Variants in STXBP5L observed in about 807,000 individuals in gnomAD.
STXBP5L encodes syntaxin-binding protein 5-like.
In STXBP5L, 65 loss-of-function variants were observed where a neutral mutation model predicts 144.5. That is an observed-to-expected ratio of 0.45 (90% CI 0.37 to 0.55). The LOEUF (loss-of-function observed/expected upper bound fraction) is 0.55. Ranked by LOEUF, STXBP5L falls within the 20% of genes least tolerant of loss-of-function variation. STXBP5L has a pLI of 0.00. For synonymous variants in STXBP5L, 505 were observed against 469.6 expected (o/e 1.08, Z -0.97); for missense variants, 1,298 against 1,405.5 (o/e 0.92, Z 1.22).
chr3:121,186,409 T>C (rs1005708860), intron 9 of STXBP5L, among the ~76,000 whole-genome samples: 4 of 152,194 alleles, frequency 2.6e-5, no homozygotes, highest in African/African-American at 9.6e-5. Flanking sequence ...TTTTTGCCCA[T>C]TCAGTATATT....
At chr3:120,986,803 A>T (rs895696390) in intron 3 of STXBP5L, among the ~76,000 whole-genome samples, 1 of 152,092 alleles carries the variant, frequency 6.6e-6, no homozygotes, top group Middle Eastern at 3.4e-3. Context: ...AATACTTTAA[A>T]TAAAAAAATT....
rs1302093544 is a variant in STXBP5L, at chr3:121,259,112, A to T, written c.1902A>T (p.Val634=). The T allele has an allele frequency of 1.0e-5, 16 of 1,605,024 alleles. No individual in the cohort carries two copies. The highest frequency in any genetic ancestry group is 1.4e-5 in the Non-Finnish European group (16 of 1,174,868). ...AACTTGTTATTCAATTGGTGTGGGT[A>T]GATGGTGAACCTCCACAACAGATTA... ...QAELVIQLVW[V]DGEPPQQITS... is the part of the protein sequence containing the mutation. The change falls in exon 18 of 27, where the codon GTA becomes GTT. Residue 634 remains valine (V), a synonymous_variant. Transcript: ENST00000471454.
At chr3:121,316,615 T>G (rs1265100725) in intron 19 of STXBP5L, among the ~76,000 whole-genome samples, 3 of 152,178 alleles carry the variant, frequency 2.0e-5, no homozygotes, top group Non-Finnish European at 2.9e-5. Flanking sequence ...AAAACGATAA[T>G]TTATATAAAG....
At chr3:121,188,926 C>T (rs2047515166) in intron 9 of STXBP5L, among the ~76,000 whole-genome samples, 1 of 152,196 alleles carries the variant, frequency 6.6e-6, no homozygotes, top group South Asian at 2.1e-4. Flanking sequence ...CCTCACCACT[C>T]CTATTCAACA....
intron 20 of STXBP5L, among the ~76,000 whole-genome samples, chr3:121,359,767 A>G (rs960384833): frequency 2.6e-5 from 4 of 151,400 alleles, no homozygotes; most frequent in Non-Finnish European, 5.9e-5. Flanking sequence ...AGGTGTGTGG[A>G]TTTGTTTCTG....
intron 14 of STXBP5L, among the ~76,000 whole-genome samples, chr3:121,246,729 C>A (rs892537235): frequency 6.6e-6 from 1 of 152,078 alleles, no homozygotes; most frequent in Non-Finnish European, 1.5e-5. Context: ...CATATCCATA[C>A]AATGGAATAC....
intron 3 of STXBP5L, among the ~76,000 whole-genome samples, chr3:121,023,865 C>CT (rs1221067618): frequency 1.3e-5 from 2 of 152,132 alleles, no homozygotes; most frequent in Non-Finnish European, 1.5e-5. Flanking sequence ...ACGCCATTCT[C>CT]CTACCTCAGC....
chr3:120,984,084 A>G (rs1251898104), intron 3 of STXBP5L, among the ~76,000 whole-genome samples: 1 of 152,046 alleles, frequency 6.6e-6, no homozygotes, highest in Non-Finnish European at 1.5e-5. Context: ...CTCCACTCTC[A>G]GTGGTTCCCA....
At chr3:120,975,286 T>A (rs983814777) in intron 3 of STXBP5L, among the ~76,000 whole-genome samples, 2 of 152,174 alleles carry the variant, frequency 1.3e-5, no homozygotes, top group Admixed American at 1.3e-4. Context: ...TTCCTAGGTG[T>A]TTTATTCTCT....
chr3:121,036,166 C>T (rs1220431504), intron 3 of STXBP5L, among the ~76,000 whole-genome samples: 1 of 152,042 alleles, frequency 6.6e-6, no homozygotes, highest in East Asian at 1.9e-4. Flanking sequence ...AATCCCATCT[C>T]TACTAAAACT....
At chr3:121,312,886 C>T (rs545707137) in intron 19 of STXBP5L, among the ~76,000 whole-genome samples, 1 of 151,976 alleles carries the variant, frequency 6.6e-6, no homozygotes, top group Non-Finnish European at 1.5e-5. Context: ...GGTAAACATC[C>T]GATTTCTCAA....
At chr3:121,203,328 C>G (rs1260001553) in intron 9 of STXBP5L, among the ~76,000 whole-genome samples, 2 of 152,110 alleles carry the variant, frequency 1.3e-5, no homozygotes, top group Non-Finnish European at 2.9e-5. Context: ...ATCTTTTAAT[C>G]TAGTCAAATT....
chr3:121,380,801 TATAGA>T (rs1308449666), intron 21 of STXBP5L, among the ~76,000 whole-genome samples: 2 of 152,092 alleles, frequency 1.3e-5, no homozygotes, highest in East Asian at 3.9e-4. Context: ...TTACCCCAGA[TATAGA>T]ATATGTTTGC....
intron 18 of STXBP5L, among the ~76,000 whole-genome samples, chr3:121,276,252 A>G (rs1420728427): frequency 6.6e-6 from 1 of 151,894 alleles, no homozygotes; most frequent in Admixed American, 6.6e-5. Flanking sequence ...GAATGATACC[A>G]CTTTTCATAT....
chr3:121,070,300 T>C (rs920438488), intron 5 of STXBP5L, among the ~76,000 whole-genome samples: 2 of 152,202 alleles, frequency 1.3e-5, no homozygotes, highest in Admixed American at 6.5e-5. Flanking sequence ...CCTAAACTTA[T>C]TGGTATTGTG....
intron 21 of STXBP5L, among the ~76,000 whole-genome samples, chr3:121,380,350 A>C (rs533223977): frequency 6.6e-6 from 1 of 150,802 alleles, no homozygotes; most frequent in East Asian, 1.9e-4. Flanking sequence ...TGTTTCCTAG[A>C]AAAAAGTCTG....
intron 20 of STXBP5L, among the ~76,000 whole-genome samples, chr3:121,326,386 G>A (rs1436427694): frequency 6.6e-6 from 1 of 151,932 alleles, no homozygotes; most frequent in Non-Finnish European, 1.5e-5. Context: ...TACATACCAG[G>A]TGTTTTTGTC....
chr3:121,289,524 A>T (rs1317156082), intron 19 of STXBP5L, among the ~76,000 whole-genome samples: 1 of 152,148 alleles, frequency 6.6e-6, no homozygotes, highest in African/African-American at 2.4e-5. Context: ...GAAACAATGG[A>T]CTTAAACTAT....
chr3:121,259,490 T>G (rs1407593491), intron 18 of STXBP5L, among the ~76,000 whole-genome samples: 1 of 152,046 alleles, frequency 6.6e-6, no homozygotes, highest in Non-Finnish European at 1.5e-5. Context: ...GACTTATCCT[T>G]TAGAGTTCAC....
Sources: gnomAD v4.1 joint callset for allele counts (sites outside exome capture counted in the v4.1 genomes callset) on GRCh38, gnomAD v4.1.1 for gene constraint, MANE v1.5 for transcripts, NCBI Gene and HGNC (gene_info 2026-07-23, HGNC 2026-07-21) for gene names.